FSTL4: variants seen among roughly 807,000 people sequenced by gnomAD.
The protein encoded by FSTL4 is follistatin like 4, also known as follistatin-related protein 4.
A neutral mutation model predicts 78.2 loss-of-function variants in FSTL4; 28 were observed. That is an observed-to-expected ratio of 0.36 (90% CI 0.27 to 0.49). The LOEUF (loss-of-function observed/expected upper bound fraction) is 0.49. Ranked by LOEUF, FSTL4 falls within the 20% of genes least tolerant of loss-of-function variation. The pLI, the probability that FSTL4 is intolerant of heterozygous loss-of-function variation, is 0.98. For synonymous variants in FSTL4, 422 were observed against 440.5 expected (o/e 0.96, Z 0.53); for missense variants, 922 against 1,084.9 (o/e 0.85, Z 2.11).
chr5:133,603,674 T>G (rs912606099), intron 2 of FSTL4, among the ~76,000 whole-genome samples, 184 bp downstream of exon 2: 25 of 152,208 alleles, frequency 1.6e-4, no homozygotes, highest in African/African-American at 6.0e-4. Context: ...ACTCACATCG[T>G]GTTATCAACC....
Position 133,198,908 on chromosome 5 carries a change from C to T in FSTL4, c.*187G>A, listed in dbSNP as rs528915419. On this transcript the variant is annotated 3_prime_UTR_variant, in exon 16 of 16. Coordinates refer to ENST00000265342, the MANE Select transcript of FSTL4 (RefSeq NM_015082.2). ...TCAAGGCATAAATCATACTTCCTAA[C>T]GAAAAAACCCCAATCTTGGTAGCAG... The T allele has an allele frequency of 6.7e-5, 32 of 475,548 alleles. No homozygotes were observed. Among genetic ancestry groups the T allele is most frequent in the South Asian group, 3.7e-4 (6 of 16,386 alleles). The allele number at this position is 475,548 out of a possible 1,614,324, so 29.5% of individuals were successfully genotyped here.
chr5:133,688,408 G>A, the FSTL4 span, among the ~76,000 whole-genome samples: 5 of 151,870 alleles, frequency 3.3e-5, no homozygotes, highest in South Asian at 8.3e-4. Flanking sequence ...ACGAGACTCC[G>A]TCTCAAAAAA....
chr5:133,445,970 A>C (rs1757254616), intron 3 of FSTL4, among the ~76,000 whole-genome samples: 1 of 152,238 alleles, frequency 6.6e-6, no homozygotes, highest in African/African-American at 2.4e-5. Context: ...AGTTCTTTTT[A>C]ATGGATACTA....
chr5:133,265,536 G>A (rs1752623905), intron 6 of FSTL4, among the ~76,000 whole-genome samples: 1 of 152,220 alleles, frequency 6.6e-6, no homozygotes, highest in South Asian at 2.1e-4. Flanking sequence ...GGGCAGGGGT[G>A]GGGCAGGACA....
chr5:133,780,459 C>G, the FSTL4 span, among the ~76,000 whole-genome samples: 1 of 144,582 alleles, frequency 6.9e-6, no homozygotes, highest in East Asian at 2.3e-4. Flanking sequence ...CCCAAACTCT[C>G]TCTGAAATGA....
the FSTL4 span, among the ~76,000 whole-genome samples, chr5:133,793,392 C>G: frequency 5.4e-4 from 83 of 152,368 alleles, no homozygotes; most frequent in African/African-American, 1.9e-3. Flanking sequence ...GAAGGTGCTC[C>G]CAGGCACCCT....
At chr5:133,807,654 C>G in the FSTL4 span, among the ~76,000 whole-genome samples, 1 of 152,178 alleles carries the variant, frequency 6.6e-6, no homozygotes, top group Non-Finnish European at 1.5e-5. Context: ...GTTGAGGCAA[C>G]GCCCTGGAAA....
chr5:133,323,031 C>A (rs1211658515), intron 4 of FSTL4, among the ~76,000 whole-genome samples: 1 of 152,174 alleles, frequency 6.6e-6, no homozygotes, highest in Admixed American at 6.5e-5. Context: ...GGCTCCAGGG[C>A]ATTTTCATGA....
At chr5:133,226,259 C>T (rs1581545377) in intron 8 of FSTL4, among the ~76,000 whole-genome samples, 1 of 152,208 alleles carries the variant, frequency 6.6e-6, no homozygotes, top group Non-Finnish European at 1.5e-5. Context: ...CTGGCAGGGC[C>T]TCTGTTCTGG....
At chr5:133,608,225 A>G (rs1761015994) in intron 1 of FSTL4, among the ~76,000 whole-genome samples, 1 of 152,206 alleles carries the variant, frequency 6.6e-6, no homozygotes, top group South Asian at 2.1e-4. Context: ...CCTAAGTATT[A>G]ATTATAAATC....
At chr5:133,269,813 T>C (rs1311596662) in intron 6 of FSTL4, among the ~76,000 whole-genome samples, 1 of 152,236 alleles carries the variant, frequency 6.6e-6, no homozygotes, top group Non-Finnish European at 1.5e-5. Context: ...CAGACTTCAC[T>C]GCAGCTCGGA....
chr5:133,583,229 A>G (rs1291703140), intron 2 of FSTL4: 2 of 455,760 alleles, frequency 4.4e-6, no homozygotes, highest in African/African-American at 4.0e-5. Context: ...TTGGTATCAC[A>G]GTAACCAACT....
chr5:133,692,529 G>A, the FSTL4 span, among the ~76,000 whole-genome samples: 2 of 152,166 alleles, frequency 1.3e-5, no homozygotes, highest in African/African-American at 4.8e-5. Flanking sequence ...TCAGTTCCTG[G>A]AGGCACAGCT....
chr5:133,470,129 G>A (rs533487795), intron 3 of FSTL4, among the ~76,000 whole-genome samples: 2 of 152,226 alleles, frequency 1.3e-5, no homozygotes, highest in South Asian at 4.2e-4. Flanking sequence ...GACAGGCCCT[G>A]CCCTGGAATA....
At chr5:133,392,449 G>A (rs556530819) in intron 4 of FSTL4, among the ~76,000 whole-genome samples, 4 of 152,314 alleles carry the variant, frequency 2.6e-5, no homozygotes, top group South Asian at 2.1e-4. Context: ...CTCACTGCAG[G>A]AAGGATGCAT....
chr5:133,428,041 C>A lies in FSTL4; in HGVS notation c.161-27055G>T, dbSNP rs186573958. On this transcript the variant is annotated intron_variant, in intron 3 of 15. Coordinates refer to ENST00000265342, the MANE Select transcript of FSTL4 (RefSeq NM_015082.2). ...TATCAACTTGTGTGAGTTGGGAGGT[C>A]ACAAGTAATGTGTGAATAACAATAC... is the stretch of plus-strand genomic sequence containing the variant. 2.6e-5 allele frequency among the ~76,000 whole-genome samples: 4 copies of A among 152,232 alleles called. No individual in the cohort carries two copies. In the East Asian group the frequency reaches 7.7e-4, roughly 29 times the overall value.
intron 3 of FSTL4, among the ~76,000 whole-genome samples, chr5:133,498,813 T>C (rs1380076909): frequency 6.6e-6 from 1 of 151,968 alleles, no homozygotes; most frequent in Admixed American, 6.6e-5. Context: ...CCTCCCTACA[T>C]ATTCAATCCA....
chr5:133,315,323 A>C (rs1020369299), intron 5 of FSTL4, among the ~76,000 whole-genome samples: 2 of 152,226 alleles, frequency 1.3e-5, no homozygotes, highest in African/African-American at 4.8e-5. Context: ...TGGACGCAGC[A>C]CTTGACCTTA....
At chr5:133,751,672 G>A in the FSTL4 span, among the ~76,000 whole-genome samples, 6 of 152,194 alleles carry the variant, frequency 3.9e-5, no homozygotes, top group African/African-American at 7.2e-5. Context: ...GAGGGAGCAC[G>A]GATAATCAAA....
Sources: allele counts gnomAD v4.1 joint callset (sites outside exome capture counted in the v4.1 genomes callset), GRCh38; gene constraint gnomAD v4.1.1; transcripts MANE v1.5; gene names NCBI Gene and HGNC (gene_info 2026-07-23, HGNC 2026-07-21).